The following UGT2A3 variants were observed in gnomAD, a reference collection of about 807,000 sequenced individuals.
The protein encoded by UGT2A3 is UDP glucuronosyltransferase family 2 member A3, also known as UDP-glucuronosyltransferase 2A3.
In UGT2A3, 55 loss-of-function variants were observed where a neutral mutation model predicts 44.1. The ratio of observed to expected loss-of-function variants is 1.25; its 90% CI spans 1.00 to 1.56. The LOEUF is 1.56. Ranked by LOEUF, UGT2A3 falls within the 40% of genes most tolerant of loss-of-function variation. UGT2A3 has a pLI of 0.00. For missense variants in UGT2A3, 733 were observed against 621.6 expected, an observed-to-expected ratio of 1.18 and a Z score of -1.91; for synonymous variants, 243 against 215.1, an observed-to-expected ratio of 1.13 and a Z score of -1.13.
chr4:68,944,541 G>T (rs914372126), intron 2 of UGT2A3, among the ~76,000 whole-genome samples: 3 of 151,738 alleles, frequency 2.0e-5, no homozygotes, highest in African/African-American at 4.8e-5. Context: ...TTCCTCTGAT[G>T]ATTTAGGAAT....
Position 68,951,594 on chromosome 4 carries a change from A to G in UGT2A3, c.167T>C (p.Leu56Ser). The G allele has an allele frequency of 6.2e-7, 1 of 1,612,966 alleles. No individual in the cohort carries two copies. Among genetic ancestry groups the G allele is most frequent in the Non-Finnish European group, 8.5e-7 (1 of 1,179,416 alleles). Residue 56 changes from leucine to serine, a missense_variant, in exon 1 of 6, where the codon TTG becomes TCG. By Grantham distance (145) the Leu-to-Ser change is moderately radical. Coordinates refer to ENST00000251566, the MANE Select transcript of UGT2A3 (RefSeq NM_024743.4). ...AATTAACGAAGGCTTTGAGTGAGTC[A>G]ATACTGTTACCTCATGGCCTCTCAC... ...LIVRGHEVTV[L>S]THSKPSLIDY...
chr4:68,931,684 C>A (rs570028250), intron 3 of UGT2A3, among the ~76,000 whole-genome samples: 2 of 151,810 alleles, frequency 1.3e-5, no homozygotes, highest in East Asian at 1.9e-4. Flanking sequence ...TTTGGATAAT[C>A]AGGTGTCTTT....
chr4:68,947,627 T>A (rs901221553), intron 1 of UGT2A3, among the ~76,000 whole-genome samples: 1 of 151,820 alleles, frequency 6.6e-6, no homozygotes, highest in African/African-American at 2.4e-5. Flanking sequence ...GTTTTCAATA[T>A]ACTTTCCCCA....
rs1161769304 is a variant in UGT2A3 at position 68,945,330 on chromosome 4, A to C, written c.840T>G (p.Cys280Trp). ...CCTTAGGCAAAGCTTTGGCAGGTTT[A>C]CAGTGCAATCCTCCAACAAACTCAA... ...PNFEFVGGLH[C>W]KPAKALPKEM... Residue 280 changes from cysteine to tryptophan, a missense_variant, in exon 2 of 6, where the codon TGT becomes TGG. Coordinates refer to ENST00000251566, the MANE Select transcript of UGT2A3 (RefSeq NM_024743.4). The C allele has an allele frequency of 3.7e-6, 6 of 1,611,304 alleles. No homozygotes were observed. The African/African-American group carries it at 8.0e-5, about 22-fold the overall frequency.
intron 2 of UGT2A3, among the ~76,000 whole-genome samples, chr4:68,942,349 A>ATATATATG (rs758417189): frequency 0.041 from 6,024 of 148,048 alleles, 209 homozygotes; most frequent in Admixed American, 0.08. Context: ...CTATATATAT[A>ATATATATG]TATGCAATGA....
chr4:68,945,403 A>G lies in UGT2A3; in HGVS notation c.767T>C (p.Ile256Thr). 3 of 1,611,332 alleles carry G rather than the reference A, an allele frequency of 1.9e-6. No homozygotes were observed. The highest frequency in any genetic ancestry group is 2.5e-6 in the Non-Finnish European group (3 of 1,178,442). The change falls in exon 2 of 6, where the codon ATA becomes ACA. Residue 256 changes from isoleucine (I) to threonine (T), a missense_variant. Ile to Thr is a moderately conservative substitution (Grantham distance 89). Coordinates refer to ENST00000251566, the MANE Select transcript of UGT2A3 (RefSeq NM_024743.4). ...ETVGKAEIWL[I>T]RTYWDFEFPQ... The stretch of plus-strand genomic sequence containing the variant: ...AAATTCAAAATCCCAATATGTTCGT[A>G]TTAGCCATATCTCAGCTTTTCCCAC...
At chr4:68,934,035 A>G (rs1287280227) in intron 2 of UGT2A3, among the ~76,000 whole-genome samples, 1 of 149,198 alleles carries the variant, frequency 6.7e-6, no homozygotes, top group Non-Finnish European at 1.5e-5. Flanking sequence ...ATCAATATAA[A>G]GAGCAAGTAT....
chr4:68,937,240 A>G (rs1298077106), intron 2 of UGT2A3, among the ~76,000 whole-genome samples: 1 of 152,094 alleles, frequency 6.6e-6, no homozygotes, highest in East Asian at 1.9e-4. Context: ...TAAACTCTCC[A>G]CCCCAAATCA....
Position 68,929,977 on chromosome 4 carries a change from G to C in UGT2A3, c.1420C>G (p.Leu474Val). 6.2e-7 allele frequency: 1 copy of C among 1,613,664 alleles called. No individual in the cohort carries two copies. Among genetic ancestry groups the C allele is most frequent in the Non-Finnish European group, 8.5e-7 (1 of 1,179,670 alleles). ...GTGAGGTCATGGGCAGCTGATCGCA[G>C]GTGCTTGGCTCCTTTGTGGCGCATG... Reference protein sequence around the residue: ...FVMRHKGAKHLRSAAHDLTWF... With the variant: ...FVMRHKGAKHVRSAAHDLTWF... Residue 474 changes from leucine to valine, a missense_variant, in exon 6 of 6, where the codon CTG (leucine) becomes GTG (valine). By Grantham distance (32) the Leu-to-Val change is conservative (BLOSUM62 1). Transcript: ENST00000251566.
At chr4:68,942,530 TATATATATAC>T (rs1171739053) in intron 2 of UGT2A3, among the ~76,000 whole-genome samples, 5 of 77,874 alleles carry the variant, frequency 6.4e-5, no homozygotes, top group East Asian at 3.6e-4. Flanking sequence ...TATATATATA[TATATATATAC>T]ATTTTCCAAT....
At chr4:68,947,134 A>G (rs1468676432) in intron 1 of UGT2A3, among the ~76,000 whole-genome samples, 3 of 151,730 alleles carry the variant, frequency 2.0e-5, no homozygotes, top group Non-Finnish European at 4.4e-5. Context: ...GCATATGATG[A>G]TGTTTCACAG....
chr4:68,950,632 A>G (rs1718548489), intron 1 of UGT2A3, among the ~76,000 whole-genome samples: 1 of 151,856 alleles, frequency 6.6e-6, no homozygotes, highest in Non-Finnish European at 1.5e-5. Context: ...ATTCTAGAAA[A>G]TGTTCAATTT....
At chr4:68,943,338 T>A in intron 2 of UGT2A3, 1 of 1,272,496 alleles carries the variant, frequency 7.9e-7, no homozygotes, top group Non-Finnish European at 1.0e-6. Context: ...TAGATACAGA[T>A]GCCATGGCTT....
chr4:68,935,350 A>G (rs10030582), intron 2 of UGT2A3, among the ~76,000 whole-genome samples: 131,009 of 141,332 alleles, frequency 0.93, 61,279 homozygotes, highest in Non-Finnish European at 0.99. Flanking sequence ...GGAAGAATCC[A>G]GCAGCAATAT....
Position 68,930,068 on chromosome 4 carries a change from T to A in UGT2A3, c.1329A>T (p.Leu443Phe), listed in dbSNP as rs767787686. Residue 443 changes from leucine to phenylalanine, a missense_variant, in exon 6 of 6, where the codon TTA (leucine) becomes TTT (phenylalanine). Coordinates refer to ENST00000251566, the MANE Select transcript of UGT2A3 (RefSeq NM_024743.4). The part of the protein sequence containing the change: ...DSSYKENAMR[L>F]SRIHHDQPVK... ...CAGGTTGATCATGGTGAATTCTTGATAATCTCATAGCATTCTCTTTATAAC... is the reference window on the plus strand; with the variant it reads ...CAGGTTGATCATGGTGAATTCTTGAAAATCTCATAGCATTCTCTTTATAAC... The A allele has an allele frequency of 6.2e-7, 1 of 1,612,554 alleles. No individual in the cohort carries two copies. Among genetic ancestry groups the A allele is most frequent in the South Asian group, 1.1e-5 (1 of 91,012 alleles).
At chr4:68,934,773 G>C (rs1717871135) in intron 2 of UGT2A3, among the ~76,000 whole-genome samples, 1 of 151,480 alleles carries the variant, frequency 6.6e-6, no homozygotes, top group African/African-American at 2.4e-5. Flanking sequence ...GGAATTTTGA[G>C]GTAGAAGGAT....
chr4:68,931,730 T>C (rs1381723709), intron 3 of UGT2A3, among the ~76,000 whole-genome samples: 1 of 151,940 alleles, frequency 6.6e-6, no homozygotes, highest in Non-Finnish European at 1.5e-5. Context: ...TTTCTTCTTA[T>C]ATTTAATTGT....
chr4:68,929,801 A>G lies in UGT2A3; in HGVS notation c.*12T>C, dbSNP rs1390544537. The G allele has an allele frequency of 1.3e-6, 2 of 1,555,744 alleles. No individual in the cohort carries two copies. The highest frequency in any genetic ancestry group is 2.5e-5 in the South Asian group (2 of 80,944). Reference sequence around the variant, plus strand: ...GATTACCCCATCAGGTCTTTCTTGAATTTGGAAAGATCTATTCCCTCTTTT... The same window carrying G: ...GATTACCCCATCAGGTCTTTCTTGAGTTTGGAAAGATCTATTCCCTCTTTT... On this transcript the variant is annotated 3_prime_UTR_variant, in exon 6 of 6. Transcript: ENST00000251566.
intron 2 of UGT2A3, among the ~76,000 whole-genome samples, chr4:68,941,150 C>T (rs1465320479): frequency 6.6e-6 from 1 of 151,690 alleles, no homozygotes; most frequent in Non-Finnish European, 1.5e-5. Context: ...GTCATGAGAC[C>T]TTTGCATATA....
Sources: allele counts gnomAD v4.1 joint callset (sites outside exome capture counted in the v4.1 genomes callset), GRCh38; gene constraint gnomAD v4.1.1; transcripts MANE v1.5; gene names NCBI Gene and HGNC (gene_info 2026-07-23, HGNC 2026-07-21).